GPR137C: variants seen among roughly 807,000 people sequenced by gnomAD.
GPR137C encodes integral membrane protein GPR137C.
Under a neutral mutation model 43.4 loss-of-function variants are expected in GPR137C, and 27 were observed. The ratio of observed to expected loss-of-function variants is 0.62; its 90% CI spans 0.46 to 0.86. The LOEUF (loss-of-function observed/expected upper bound fraction) is 0.86. Ranked by LOEUF, GPR137C falls within the 40% of genes least tolerant of loss-of-function variation. The probability of loss-of-function intolerance (pLI) is 0.00; values close to 1 mark genes in which losing one functional copy is unlikely to be tolerated. For missense variants in GPR137C, 522 were observed against 534.6 expected, an observed-to-expected ratio of 0.98 and a Z score of 0.23; for synonymous variants, 285 against 226.9, an observed-to-expected ratio of 1.26 and a Z score of -2.30.
chr14:52,560,816 A>G (rs1483139666), intron 1 of GPR137C, among the ~76,000 whole-genome samples: 4 of 152,214 alleles, frequency 2.6e-5, no homozygotes, highest in African/African-American at 9.6e-5. Context: ...GTTTTCTTGG[A>G]GGAGGCAAAG....
chr14:52,629,372 A>G (rs2039268125), intron 3 of GPR137C, among the ~76,000 whole-genome samples: 1 of 152,180 alleles, frequency 6.6e-6, no homozygotes, highest in African/African-American at 2.4e-5. Context: ...ATAATCAGAA[A>G]GTGGAATTAG....
intron 1 of GPR137C, among the ~76,000 whole-genome samples, chr14:52,579,719 T>G (rs1468394251): frequency 1.3e-5 from 2 of 152,212 alleles, no homozygotes; most frequent in African/African-American, 4.8e-5. Context: ...AAGAGTCCTC[T>G]CCCAGTGGAG....
At chr14:52,596,991 G>T (rs549633125) in intron 1 of GPR137C, 1 of 455,146 alleles carries the variant, frequency 2.2e-6, no homozygotes. Flanking sequence ...TGGTGCGTTT[G>T]TAACAATGCA....
chr14:52,633,554 G>A lies in GPR137C; in HGVS notation c.892G>A (p.Glu298Lys). The A allele has an allele frequency of 6.2e-7, 1 of 1,612,138 alleles. No homozygotes were observed. Among genetic ancestry groups the A allele is most frequent in the Non-Finnish European group, 8.5e-7 (1 of 1,178,478 alleles). ...GGCTCATGTAGAAGACATAAGTGGA[G>A]AAGAGTATATAGTATTTGGAATGGT... ...DKAHVEDISG[E>K]EYIVFGMVLF... The change falls in exon 5 of 7, where the codon GAA becomes AAA. Residue 298 changes from glutamate (E) to lysine (K), a missense_variant. Transcript: ENST00000321662.
At chr14:52,553,755 CCTTAAA>C (rs2038140141) in intron 1 of GPR137C, among the ~76,000 whole-genome samples, 164 bp downstream of exon 1, 1 of 152,130 alleles carries the variant, frequency 6.6e-6, no homozygotes, top group African/African-American at 2.4e-5. Flanking sequence ...AGTGTTTTCG[CCTTAAA>C]CTTAAGTGGC....
chr14:52,559,713 A>C (rs774899893), intron 1 of GPR137C, among the ~76,000 whole-genome samples: 5 of 152,262 alleles, frequency 3.3e-5, no homozygotes, highest in Non-Finnish European at 7.3e-5. Flanking sequence ...TTCGAAAATT[A>C]GAAAAACAGA....
At chr14:52,553,660 A>G in intron 1 of GPR137C, 69 bp downstream of exon 1, 2 of 716,604 alleles carry the variant, frequency 2.8e-6, no homozygotes, top group Non-Finnish European at 4.3e-6. Flanking sequence ...ACTCCCGCTG[A>G]GGACCAGCGG....
At chr14:52,601,511 G>T (rs117619037) in intron 3 of GPR137C, among the ~76,000 whole-genome samples, 16,803 of 144,948 alleles carry the variant, frequency 0.12, 945 homozygotes, top group South Asian at 0.16. Context: ...TATATATATA[G>T]AGAGAGAGAG....
At chr14:52,585,534 T>A (rs2038702376) in intron 1 of GPR137C, among the ~76,000 whole-genome samples, 2 of 152,208 alleles carry the variant, frequency 1.3e-5, no homozygotes, top group Non-Finnish European at 2.9e-5. Flanking sequence ...TGCTGTTGTT[T>A]TATGTACACA....
intron 2 of GPR137C, 85 bp downstream of exon 2, chr14:52,598,400 TA>T: frequency 1.7e-6 from 1 of 576,860 alleles, no homozygotes; most frequent in African/African-American, 1.9e-5. Flanking sequence ...CTAAAAGATC[TA>T]ATTTTTTTTA....
intron 1 of GPR137C, among the ~76,000 whole-genome samples, chr14:52,574,986 T>C (rs1425811737): frequency 6.6e-6 from 1 of 152,208 alleles, no homozygotes; most frequent in Non-Finnish European, 1.5e-5. Context: ...TCAGCACAAA[T>C]GCAGTTTAAA....
chr14:52,633,796 C>T (rs376804095), intron 5 of GPR137C, 32 bp from the exon 6 acceptor site: 1 of 1,541,976 alleles, frequency 6.5e-7, no homozygotes, highest in Admixed American at 1.7e-5. Context: ...AAAAGTAAAA[C>T]CTTCATATGC....
intron 1 of GPR137C, among the ~76,000 whole-genome samples, chr14:52,556,653 T>C (rs1015742599): frequency 3.3e-5 from 5 of 152,122 alleles, no homozygotes; most frequent in Non-Finnish European, 4.4e-5. Context: ...AAGACTTCAA[T>C]ATTTGAAACA....
chr14:52,585,219 AATT>A (rs1485467760), intron 1 of GPR137C, among the ~76,000 whole-genome samples: 3 of 152,172 alleles, frequency 2.0e-5, no homozygotes. Context: ...CTGGTTTGTA[AATT>A]ATTTTAAATT....
chr14:52,556,246 C>G (rs1249833101), intron 1 of GPR137C, among the ~76,000 whole-genome samples: 1 of 152,078 alleles, frequency 6.6e-6, no homozygotes, highest in Non-Finnish European at 1.5e-5. Flanking sequence ...CTGATTCTCA[C>G]TAAGAGTAGC....
chr14:52,586,198 ATC>A (rs890901809), intron 1 of GPR137C, among the ~76,000 whole-genome samples: 3 of 152,198 alleles, frequency 2.0e-5, no homozygotes, highest in Admixed American at 6.5e-5. Flanking sequence ...AGTAAACACT[ATC>A]TCTTGCATTC....
At chr14:52,579,147 A>G (rs1016814426) in intron 1 of GPR137C, among the ~76,000 whole-genome samples, 1 of 152,152 alleles carries the variant, frequency 6.6e-6, no homozygotes, top group Non-Finnish European at 1.5e-5. Flanking sequence ...CTATTCCAGC[A>G]TTTTGAGAAC....
rs991579836 is a variant in GPR137C, at chr14:52,632,364, A to G, written c.867+55A>G. 5.5e-6 allele frequency: 7 copies of G among 1,277,482 alleles called. No homozygotes were observed. The Admixed American group carries it at 6.0e-5, about 11-fold the overall frequency. The allele number at this position is 1,277,482 out of a possible 1,614,324, so 79.1% of individuals were successfully genotyped here. A position where few individuals can be genotyped will look rare whatever the true frequency, so the allele number is the denominator to read the frequency against. ...ACAATGTGATAATTAACTTACCCTC[A>G]TCTAGAAGAACACTGTAGTGTTTGA... On this transcript the variant is annotated intron_variant, in intron 4 of 6. Coordinates refer to ENST00000321662, the MANE Select transcript of GPR137C (RefSeq NM_001099652.2).
intron 1 of GPR137C, among the ~76,000 whole-genome samples, chr14:52,591,356 T>C (rs2038781937): frequency 6.6e-6 from 1 of 152,188 alleles, no homozygotes; most frequent in Non-Finnish European, 1.5e-5. Context: ...AGTAATGGGA[T>C]CGCTGGGTCA....
Sources: allele counts gnomAD v4.1 joint callset (sites outside exome capture counted in the v4.1 genomes callset), GRCh38; gene constraint gnomAD v4.1.1; transcripts MANE v1.5; gene names NCBI Gene and HGNC (gene_info 2026-07-23, HGNC 2026-07-21).